The following SLC9C2 variants were observed in gnomAD, a reference collection of about 807,000 sequenced individuals.
The protein encoded by SLC9C2 is sodium/hydrogen exchanger 11.
Under a neutral mutation model 140.2 loss-of-function variants are expected in SLC9C2, and 75 were observed. The ratio of observed to expected loss-of-function variants is 0.53; its 90% confidence interval spans 0.44 to 0.65. The LOEUF (loss-of-function observed/expected upper bound fraction) is 0.65. Among genes scored for constraint, SLC9C2 ranks in the 30% least tolerant of loss-of-function variants. The pLI is 0.00. For synonymous variants in SLC9C2, 375 were observed against 420.9 expected, an observed-to-expected ratio of 0.89 and a Z score of 1.34; for missense variants, 1,074 against 1,331.8, an observed-to-expected ratio of 0.81 and a Z score of 3.01.
chr1:173,584,081 C>G (rs1035202717), intron 5 of SLC9C2, among the ~76,000 whole-genome samples: 2 of 151,994 alleles, frequency 1.3e-5, no homozygotes, highest in Non-Finnish European at 2.9e-5. Flanking sequence ...TTCATAGGAG[C>G]TAAAAGGTGG....
Position 173,551,387 on chromosome 1 carries a change from T to C in SLC9C2, c.1298-2835A>G, listed in dbSNP as rs1663295471. On this transcript the variant is annotated intron_variant, in intron 11 of 27. Transcript: ENST00000367714. Reference sequence around the variant, plus strand: ...TCTGGTTTATTGATGAATCTGTGAATGTGGTGCAGGCATGCCTTATCTCAT... The same window carrying C: ...TCTGGTTTATTGATGAATCTGTGAACGTGGTGCAGGCATGCCTTATCTCAT... Among the ~76,000 whole-genome samples the C allele has an allele frequency of 4.6e-5, 7 of 152,214 alleles. 1 individual carries two copies. Among genetic ancestry groups the C allele is most frequent in the Admixed American group, 3.9e-4 (6 of 15,282 alleles).
At chr1:173,579,731 T>C (rs935516498) in intron 7 of SLC9C2, among the ~76,000 whole-genome samples, 1 of 152,232 alleles carries the variant, frequency 6.6e-6, no homozygotes, top group African/African-American at 2.4e-5. Context: ...TGAATTGGGA[T>C]TGAGCTGAAT....
intron 11 of SLC9C2, among the ~76,000 whole-genome samples, chr1:173,550,369 A>G (rs969465870): frequency 8.5e-5 from 13 of 152,160 alleles, no homozygotes; most frequent in African/African-American, 2.9e-4. Flanking sequence ...GTGCCACTGC[A>G]TTGCAGCCTG....
At chr1:173,548,325 TA>T in intron 12 of SLC9C2, 63 bp downstream of exon 12, 1 of 1,500,064 alleles carries the variant, frequency 6.7e-7, no homozygotes, top group Non-Finnish European at 9.1e-7. Flanking sequence ...AACAATAGGC[TA>T]AAGCAAGTGA....
At chr1:173,510,500 A>T (rs894563044) in intron 23 of SLC9C2, among the ~76,000 whole-genome samples, 1 of 151,994 alleles carries the variant, frequency 6.6e-6, no homozygotes, top group East Asian at 1.9e-4. Flanking sequence ...CTCAATCCCC[A>T]AACGGCCCTG....
intron 7 of SLC9C2, among the ~76,000 whole-genome samples, chr1:173,579,340 C>T (rs1665380785): frequency 5.3e-5 from 8 of 152,172 alleles, no homozygotes; most frequent in Admixed American, 5.2e-4. Flanking sequence ...CTAACGAAAG[C>T]CATCCTTGAA....
intron 4 of SLC9C2, among the ~76,000 whole-genome samples, chr1:173,591,086 A>T (rs967784018): frequency 2.0e-5 from 3 of 151,998 alleles, no homozygotes; most frequent in African/African-American, 7.3e-5. Flanking sequence ...TGTGTCCATG[A>T]GTTCTCACCA....
At chr1:173,533,331 G>A (rs983138989) in intron 17 of SLC9C2, among the ~76,000 whole-genome samples, 1 of 152,160 alleles carries the variant, frequency 6.6e-6, no homozygotes, top group Non-Finnish European at 1.5e-5. Flanking sequence ...TCTGACTGGA[G>A]TGCAATGGCA....
chr1:173,600,121 A>G lies in SLC9C2; in HGVS notation c.224T>C (p.Val75Ala). 2 of 1,597,444 alleles carry G rather than the reference A, an allele frequency of 1.3e-6. No individual in the cohort carries two copies. Among genetic ancestry groups the G allele is most frequent in the African/African-American group, 1.3e-5 (1 of 74,552 alleles). ...FVIGHMAYNS[V>A]EVHQIVYPLL... ...AATTTATTGTACATACAGTACCTCAACAGAATTGTAGGCCATGTGTCCTAT... is the reference window on the plus strand; with the variant it reads ...AATTTATTGTACATACAGTACCTCAGCAGAATTGTAGGCCATGTGTCCTAT... Residue 75 changes from valine (V) to alanine (A), a missense_variant, in exon 3 of 28, where the codon GTT becomes GCT. Val to Ala is a moderately conservative substitution (Grantham distance 64). Coordinates refer to ENST00000367714, the MANE Select transcript of SLC9C2 (RefSeq NM_178527.4).
chr1:173,550,452 A>ATTTT lies in SLC9C2; in HGVS notation c.1298-1904_1298-1901dup, dbSNP rs202103167. Among the ~76,000 whole-genome samples, 76 of 145,630 alleles carry ATTTT rather than the reference A, an allele frequency of 5.2e-4. 2 individuals carry two copies. The highest frequency in any genetic ancestry group is 1.7e-3 in the African/African-American group (64 of 38,430). On this transcript the variant is annotated intron_variant, in intron 11 of 27. Coordinates refer to ENST00000367714, the MANE Select transcript of SLC9C2 (RefSeq NM_178527.4). ...TATTTATTTATTTATTTATTTATTT[A>ATTTT]TTTTTGAGGAGGAGTTTCACTCTGT...
intron 23 of SLC9C2, among the ~76,000 whole-genome samples, chr1:173,511,029 C>CTTTTTTTTTTTTTTTT (rs71111066): frequency 1.5e-4 from 13 of 86,738 alleles, no homozygotes; most frequent in African/African-American, 3.8e-4. Flanking sequence ...CTTTCTTTTC[C>CTTTTTTTTTTTTTTTT]TTTTTTTTTT....
intron 19 of SLC9C2, among the ~76,000 whole-genome samples, chr1:173,526,413 A>T (rs926338889): frequency 6.6e-6 from 1 of 152,140 alleles, no homozygotes; most frequent in East Asian, 1.9e-4. Flanking sequence ...ATAACAACTA[A>T]CAGGACTCTG....
At chr1:173,514,058 CAAGG>C (rs1660241669) in intron 23 of SLC9C2, among the ~76,000 whole-genome samples, 1 of 152,074 alleles carries the variant, frequency 6.6e-6, no homozygotes, top group East Asian at 1.9e-4. Flanking sequence ...TTGCATTTGC[CAAGG>C]AGTGTTTTAC....
chr1:173,580,209 T>G (rs1220153506), intron 7 of SLC9C2, among the ~76,000 whole-genome samples: 1 of 152,176 alleles, frequency 6.6e-6, no homozygotes, highest in African/African-American at 2.4e-5. Context: ...CTCAACATAA[T>G]GTCACTTGAA....
Position 173,573,271 on chromosome 1 carries a change from G to A in SLC9C2, c.957C>T (p.Gly319=). Residue 319 remains glycine, a synonymous_variant, in exon 9 of 28, where the codon GGC becomes GGT. Transcript: ENST00000367714. ...VYEHLIYAFF[G]IVIGCGELSH... ...TGAGTTCTCCACATCCAATCACAAT[G>A]CCAAAGAAAGCATATATTAAATGTT... is the stretch of plus-strand genomic sequence containing the variant. The A allele has an allele frequency of 6.3e-7, 1 of 1,574,998 alleles. No homozygotes were observed. The highest frequency in any genetic ancestry group is 8.7e-7 in the Non-Finnish European group (1 of 1,146,184).
At chr1:173,527,349 T>C (rs1486684191) in intron 18 of SLC9C2, among the ~76,000 whole-genome samples, 5 of 152,164 alleles carry the variant, frequency 3.3e-5, no homozygotes, top group Admixed American at 3.3e-4. Flanking sequence ...CAGTATGTAC[T>C]CCACTGTGCA....
At chr1:173,596,033 T>A (rs1666438098) in intron 4 of SLC9C2, among the ~76,000 whole-genome samples, 1 of 152,238 alleles carries the variant, frequency 6.6e-6, no homozygotes, top group Non-Finnish European at 1.5e-5. Flanking sequence ...TTTTATAATT[T>A]GTATGTACCC....
intron 13 of SLC9C2, 65 bp from the exon 14 acceptor site, chr1:173,537,104 C>T: frequency 2.4e-6 from 3 of 1,234,928 alleles, no homozygotes; most frequent in Non-Finnish European, 3.6e-6. Flanking sequence ...TCTTCTTAAC[C>T]CTTACATAGC....
chr1:173,561,881 ACACACC>A lies in SLC9C2; in HGVS notation c.1047-4379_1047-4374del, dbSNP rs1379891554. Among the ~76,000 whole-genome samples the A allele has an allele frequency of 9.9e-5, 15 of 151,428 alleles. No individual in the cohort carries two copies. The East Asian group carries it at 2.1e-3, about 22-fold the overall frequency. ...GACACAGACACACACACACACACAC[ACACACC>A]CCCAACTGTAACTAATCCAACAATC... On this transcript the variant is annotated intron_variant, in intron 9 of 27. Transcript: ENST00000367714.
Sources: allele counts gnomAD v4.1 joint callset (sites outside exome capture counted in the v4.1 genomes callset), GRCh38; gene constraint gnomAD v4.1.1; transcripts MANE v1.5; gene names NCBI Gene and HGNC (gene_info 2026-07-23, HGNC 2026-07-21).